The following ZFYVE28 variants were observed in gnomAD, a reference collection of about 807,000 sequenced individuals.
ZFYVE28 encodes the protein lateral signaling target protein 2 homolog.
In ZFYVE28, 40 loss-of-function variants were observed where a neutral mutation model predicts 82.1. The observed-to-expected ratio is 0.49, with a 90% CI of 0.38 to 0.63. ZFYVE28 has a LOEUF of 0.63. ZFYVE28 is among the 30% of genes least tolerant of loss of function. The probability of loss-of-function intolerance (pLI) is 0.00; values close to 1 mark genes in which losing one functional copy is unlikely to be tolerated. For synonymous variants in ZFYVE28, 612 were observed against 546.1 expected (o/e 1.12, Z -1.68); for missense variants, 1,321 against 1,242.1 (o/e 1.06, Z -0.96).
intron 1 of ZFYVE28, among the ~76,000 whole-genome samples, chr4:2,371,597 A>G (rs566650311): frequency 1.8e-3 from 276 of 152,342 alleles, no homozygotes; most frequent in African/African-American, 5.5e-3. Flanking sequence ...AAAAGCCAGG[A>G]TAGTATCTGC....
At chr4:2,275,273 G>A (rs925751679) in intron 8 of ZFYVE28, among the ~76,000 whole-genome samples, 1 of 152,134 alleles carries the variant, frequency 6.6e-6, no homozygotes, top group African/African-American at 2.4e-5. Flanking sequence ...CCTATAAATC[G>A]TTCACAGCTG....
chr4:2,417,860 A>C lies in ZFYVE28; in HGVS notation c.39+425T>G. ...CAATGGGGGTGGGGGCAGGACGGGA[A>C]TGAGGGGGCATTCCTGGTGCAGGGA... is the stretch of plus-strand genomic sequence containing the variant. On this transcript the variant is annotated intron_variant, in intron 1 of 12. Transcript: ENST00000290974. This position sits in a 1 kb window ranked among gnomAD's most constrained non-coding sequence, Gnocchi z 4.8. 6.8e-6 allele frequency among the ~76,000 whole-genome samples: 1 copy of C among 146,838 alleles called. No individual in the cohort carries two copies.
Position 2,369,366 on chromosome 4 carries a change from G to C in ZFYVE28, c.40-15293C>G, listed in dbSNP as rs549423046. ...CTGGGCAATGTGGCACCTTTGTTGT[G>C]ATTAGGACCTAATTTGCCATAAAGA... is the stretch of plus-strand genomic sequence containing the variant. On this transcript the variant is annotated intron_variant, in intron 1 of 12. Transcript: ENST00000290974. Among the ~76,000 whole-genome samples, 370 of 152,312 alleles carry C rather than the reference G, an allele frequency of 2.4e-3. 1 individual carries two copies. Among genetic ancestry groups the C allele is most frequent in the African/African-American group, 8.4e-3 (349 of 41,564 alleles).
At chr4:2,340,117 C>A (rs1037670071) in intron 3 of ZFYVE28, among the ~76,000 whole-genome samples, 1 of 152,154 alleles carries the variant, frequency 6.6e-6, no homozygotes, top group Non-Finnish European at 1.5e-5. Flanking sequence ...ATGAAGCAGC[C>A]GGGCTGATCC....
intron 8 of ZFYVE28, among the ~76,000 whole-genome samples, chr4:2,296,243 C>T (rs927144138): frequency 6.6e-6 from 1 of 152,216 alleles, no homozygotes; most frequent in African/African-American, 2.4e-5. Flanking sequence ...ATCCAGGCCA[C>T]CACTCAGGGC....
chr4:2,350,351 C>T lies in ZFYVE28; in HGVS notation c.180+3582G>A, dbSNP rs551072699. Reference sequence around the variant, plus strand: ...AGGTGGCGGGCGCCTGTAGTCCCAGCTACTCGGGAGGCTGAGGCAGGAGAA... The same window carrying T: ...AGGTGGCGGGCGCCTGTAGTCCCAGTTACTCGGGAGGCTGAGGCAGGAGAA... On this transcript the variant is annotated intron_variant, in intron 2 of 12. Transcript: ENST00000290974. Among the ~76,000 whole-genome samples the T allele has an allele frequency of 3.3e-5, 5 of 152,058 alleles. No individual in the cohort carries two copies. In the East Asian group the frequency reaches 9.7e-4, roughly 29 times the overall value.
At chr4:2,322,628 T>G (rs1388813929) in intron 6 of ZFYVE28, among the ~76,000 whole-genome samples, 1 of 152,182 alleles carries the variant, frequency 6.6e-6, no homozygotes, top group East Asian at 1.9e-4. Context: ...AACGAACAAC[T>G]GTTTTAAAGG....
rs192953408 is a variant in ZFYVE28, at chr4:2,269,700, C to T, written c.*1025G>A. On this transcript the variant is annotated 3_prime_UTR_variant, in exon 13 of 13. Coordinates refer to ENST00000290974, the MANE Select transcript of ZFYVE28 (RefSeq NM_020972.3). Reference sequence around the variant, plus strand: ...TTTCCTCCATTATATACTCTCCCCCCGACAGAAGCCGTTTCTATGCATATG... The same window carrying T: ...TTTCCTCCATTATATACTCTCCCCCTGACAGAAGCCGTTTCTATGCATATG... 27 of 152,264 alleles carry T rather than the reference C, an allele frequency of 1.8e-4. No individual in the cohort carries two copies. In the East Asian group the frequency reaches 3.1e-3, roughly 17 times the overall value. The allele number at this position is 152,264 out of a possible 1,614,324, so 9.4% of individuals were successfully genotyped here.
At chr4:2,382,422 A>C (rs558706387) in intron 1 of ZFYVE28, among the ~76,000 whole-genome samples, 1 of 152,368 alleles carries the variant, frequency 6.6e-6, no homozygotes, top group Admixed American at 6.5e-5. Flanking sequence ...GAGCTGCCCA[A>C]GACGATGGGA....
intron 7 of ZFYVE28, among the ~76,000 whole-genome samples, chr4:2,310,791 G>A (rs536493630): frequency 7.0e-4 from 106 of 152,282 alleles, no homozygotes; most frequent in Admixed American, 1.6e-3. Context: ...ATGACAAAGT[G>A]AGAGTTTGTT....
intron 1 of ZFYVE28, among the ~76,000 whole-genome samples, chr4:2,360,277 G>A (rs1725941132): frequency 6.6e-6 from 1 of 151,708 alleles, no homozygotes; most frequent in South Asian, 2.1e-4. Context: ...TGCTGACTTG[G>A]CATCAGTGCC....
chr4:2,383,389 G>A (rs1442890695), intron 1 of ZFYVE28, among the ~76,000 whole-genome samples: 6 of 152,022 alleles, frequency 3.9e-5, no homozygotes, highest in South Asian at 2.1e-4. Flanking sequence ...CCACCTCCAC[G>A]CAGGAAGTGC....
chr4:2,353,144 G>T (rs1463504587), intron 2 of ZFYVE28, among the ~76,000 whole-genome samples: 1 of 152,222 alleles, frequency 6.6e-6, no homozygotes, highest in African/African-American at 2.4e-5. Flanking sequence ...CAGAAAAGTT[G>T]TCCTGGCCAC....
chr4:2,314,305 G>A (rs1045021695), intron 7 of ZFYVE28, among the ~76,000 whole-genome samples: 10 of 152,186 alleles, frequency 6.6e-5, no homozygotes, highest in South Asian at 4.1e-4. Context: ...TGGGTCTCTC[G>A]TCAGCCAAGT....
intron 1 of ZFYVE28, among the ~76,000 whole-genome samples, chr4:2,356,564 T>C (rs3135129): frequency 0.84 from 127,624 of 152,212 alleles, 53,552 homozygotes; most frequent in Admixed American, 0.89. Flanking sequence ...GTCCCTGCAC[T>C]TTGTGCCTTT....
intron 6 of ZFYVE28, among the ~76,000 whole-genome samples, chr4:2,328,087 G>T (rs761346179): frequency 6.6e-5 from 10 of 152,180 alleles, no homozygotes; most frequent in South Asian, 2.1e-4. Context: ...AAATCAGTTT[G>T]TTGAAGGGAT....
In ZFYVE28 at chr4:2,304,535, G is replaced by A. The variant is rs1332172957; in HGVS notation, c.1805C>T (p.Ala602Val). 1 of 1,612,746 alleles carries A rather than the reference G, an allele frequency of 6.2e-7. No homozygotes were observed. Among genetic ancestry groups the A allele is most frequent in the Non-Finnish European group, 8.5e-7 (1 of 1,179,842 alleles). The part of the protein sequence containing the change: ...GASYAAGLAK[A>V]SDRAPERQEE... ...CTGTCTCTCAGGGGCCCTGTCGCTG[G>A]CCTTGGCTAAGCCGGCAGCGTACGA... The change falls in exon 8 of 13, where the codon GCC becomes GTC. Residue 602 changes from alanine (A) to valine (V), a missense_variant. Physicochemically the swap from Ala to Val is moderately conservative, Grantham distance 64. Coordinates refer to ENST00000290974, the MANE Select transcript of ZFYVE28 (RefSeq NM_020972.3).
At position 2,270,567 on chromosome 4, in the gene ZFYVE28, G is replaced by T. The variant is rs1735816908; in HGVS notation, c.*158C>A. The T allele has an allele frequency of 2.7e-6, 3 of 1,106,388 alleles. No individual in the cohort carries two copies. Among genetic ancestry groups the T allele is most frequent in the Admixed American group, 4.7e-5 (2 of 42,188 alleles). 68.5% of individuals were successfully genotyped at this position (1,106,388 alleles called of 1,614,324 possible). The stretch of plus-strand genomic sequence containing the variant: ...GCCCGGGGTCCCTGCAGGGAGGCTA[G>T]CGTGGGCAGGACAGAGGCTCTGGAT... On this transcript the variant is annotated 3_prime_UTR_variant, in exon 13 of 13. Coordinates refer to ENST00000290974, the MANE Select transcript of ZFYVE28 (RefSeq NM_020972.3).
intron 1 of ZFYVE28, among the ~76,000 whole-genome samples, chr4:2,398,610 G>A (rs1286293768): frequency 6.6e-6 from 1 of 151,342 alleles, no homozygotes; most frequent in Non-Finnish European, 1.5e-5. Context: ...GAGATCCAGG[G>A]CACAAGAGTG....
Sources: gnomAD v4.1 joint callset for allele counts (sites outside exome capture counted in the v4.1 genomes callset) on GRCh38, gnomAD v4.1.1 for gene constraint, Gnocchi (gnomAD v3.1) non-coding constraint, MANE v1.5 for transcripts, NCBI Gene and HGNC (gene_info 2026-07-23, HGNC 2026-07-21) for gene names.